Variants in RTL4 observed in about 807,000 individuals in gnomAD.
RTL4 encodes retrotransposon Gag-like protein 4.
RTL4 carries 4 observed loss-of-function variants against 5.3 expected under a neutral mutation model. The observed-to-expected ratio is 0.75, with a 90% CI of 0.37 to 1.72. The LOEUF is 1.72. RTL4 is among the 40% of genes most tolerant of loss of function. RTL4 has a pLI of 0.04. For missense variants in RTL4, 260 were observed against 227.1 expected (o/e 1.14, Z -0.93); for synonymous variants, 98 against 87.3 (o/e 1.12, Z -0.68).
the RTL4 span, among the ~76,000 whole-genome samples, chrX:112,161,537 T>A: frequency 9.0e-6 from 1 of 110,873 alleles, no homozygotes; most frequent in African/African-American, 3.3e-5. Context: ...TATGAATGAG[T>A]TTTAGTTTTG....
At chrX:112,172,322 C>CA in the RTL4 span, among the ~76,000 whole-genome samples, 77 of 103,456 alleles carry the variant, frequency 7.4e-4, no homozygotes, top group Middle Eastern at 5.1e-3. Context: ...AAGACTCTGT[C>CA]AAAAAAAAAT....
At chrX:112,291,154 C>T in the RTL4 span, among the ~76,000 whole-genome samples, 40 of 110,063 alleles carry the variant, frequency 3.6e-4, no homozygotes, top group African/African-American at 1.3e-3. Flanking sequence ...CTAAGTAGCC[C>T]AGAGGTAGGA....
the RTL4 span, among the ~76,000 whole-genome samples, chrX:112,368,837 G>A: frequency 5.4e-5 from 6 of 112,001 alleles, no homozygotes; most frequent in African/African-American, 1.9e-4. Context: ...ATTCTCTTTC[G>A]TGGACCACAT....
the RTL4 span, among the ~76,000 whole-genome samples, chrX:112,225,784 C>T: frequency 8.9e-6 from 1 of 111,788 alleles, no homozygotes; most frequent in Non-Finnish European, 1.9e-5. Flanking sequence ...GGTCCACTGC[C>T]CCAAAAAGCT....
the RTL4 span, among the ~76,000 whole-genome samples, chrX:112,241,198 G>A: frequency 0.016 from 1,811 of 110,926 alleles, 24 homozygotes; most frequent in Non-Finnish European, 0.023. Context: ...AATCCTTTGG[G>A]TATGTACCCA....
chrX:112,146,866 C>G, the RTL4 span, among the ~76,000 whole-genome samples: 1 of 105,546 alleles, frequency 9.5e-6, no homozygotes, highest in Admixed American at 1.1e-4. Context: ...ATTATTATCA[C>G]TATCATCATC....
At chrX:112,392,222 T>C in the RTL4 span, among the ~76,000 whole-genome samples, 17 of 112,289 alleles carry the variant, frequency 1.5e-4, no homozygotes, top group Non-Finnish European at 3.0e-4. Context: ...GAGCTGCTAC[T>C]GGCTCCATAG....
At chrX:112,282,532 G>T in the RTL4 span, among the ~76,000 whole-genome samples, 2 of 111,939 alleles carry the variant, frequency 1.8e-5, no homozygotes, top group Admixed American at 9.5e-5. Context: ...AATGAAAAAT[G>T]TTATGTGAAT....
chrX:112,380,212 A>T, the RTL4 span, among the ~76,000 whole-genome samples: 58 of 108,046 alleles, frequency 5.4e-4, no homozygotes, highest in Admixed American at 6.9e-4. Flanking sequence ...AGTGGCACAA[A>T]CTCGACTCAC....
the RTL4 span, among the ~76,000 whole-genome samples, chrX:112,413,296 G>A: frequency 9.0e-6 from 1 of 111,511 alleles, no homozygotes; most frequent in Non-Finnish European, 1.9e-5. Context: ...TAGTTTGGAA[G>A]TTCCTCAAAA....
the RTL4 span, among the ~76,000 whole-genome samples, chrX:112,172,809 T>A: frequency 8.9e-6 from 1 of 111,747 alleles, no homozygotes; most frequent in East Asian, 2.8e-4. Flanking sequence ...GTACATATAC[T>A]ACATGGAATA....
At chrX:112,367,209 A>T in the RTL4 span, among the ~76,000 whole-genome samples, 1 of 111,760 alleles carries the variant, frequency 8.9e-6, no homozygotes, top group African/African-American at 3.2e-5. Flanking sequence ...TAGAAGCAGA[A>T]AAATAGAAAG....
At chrX:112,383,602 C>T in the RTL4 span, among the ~76,000 whole-genome samples, 3 of 111,404 alleles carry the variant, frequency 2.7e-5, no homozygotes, top group Non-Finnish European at 3.8e-5. Context: ...ACCTGGGTGC[C>T]CACCAATGGT....
the RTL4 span, among the ~76,000 whole-genome samples, chrX:112,385,736 A>G: frequency 8.9e-6 from 1 of 111,906 alleles, no homozygotes; most frequent in African/African-American, 3.2e-5. Context: ...AGGAGTCTTT[A>G]TTTTGTCTAA....
At chrX:112,172,461 C>T in the RTL4 span, among the ~76,000 whole-genome samples, 6 of 111,765 alleles carry the variant, frequency 5.4e-5, no homozygotes, top group Non-Finnish European at 1.1e-4. Flanking sequence ...GATACCATCT[C>T]ATGCCACTCA....
the RTL4 span, among the ~76,000 whole-genome samples, chrX:112,247,317 C>T: frequency 0.24 from 26,365 of 110,894 alleles, 2,905 homozygotes; most frequent in African/African-American, 0.44. Flanking sequence ...TTCCCTATCC[C>T]TAGCCCTATG....
chrX:112,325,475 G>A, the RTL4 span, among the ~76,000 whole-genome samples: 15 of 111,220 alleles, frequency 1.3e-4, no homozygotes, highest in African/African-American at 4.6e-4. Flanking sequence ...GGAACAGAAC[G>A]GAGCCCTCAG....
At chrX:112,132,689 C>T in the RTL4 span, among the ~76,000 whole-genome samples, 9 of 112,384 alleles carry the variant, frequency 8.0e-5, no homozygotes, top group African/African-American at 2.9e-4. Flanking sequence ...TCTGCCAGGA[C>T]TTTCTTGAAT....
chrX:112,236,017 C>T, the RTL4 span, among the ~76,000 whole-genome samples: 5 of 111,192 alleles, frequency 4.5e-5, no homozygotes, highest in Non-Finnish European at 7.5e-5. Context: ...AAGAAAGCTA[C>T]TGCTTTGGAG....
Sources: gnomAD v4.1 joint callset for allele counts (sites outside exome capture counted in the v4.1 genomes callset) on GRCh38, gnomAD v4.1.1 for gene constraint, MANE v1.5 for transcripts, NCBI Gene and HGNC (gene_info 2026-07-23, HGNC 2026-07-21) for gene names.